LMNTD1: variants seen among roughly 807,000 people sequenced by gnomAD.
The protein encoded by LMNTD1 is lamin tail domain containing 1, also known as lamin tail domain-containing protein 1.
LMNTD1 carries 35 observed loss-of-function variants against 50.9 expected under a neutral mutation model. The observed-to-expected ratio is 0.69, with a 90% CI of 0.53 to 0.91. The LOEUF is 0.91. Ranked by LOEUF, LMNTD1 falls within the 40% of genes least tolerant of loss-of-function variation. LMNTD1 has a pLI of 0.00. For synonymous variants in LMNTD1, 153 were observed against 161.9 expected (o/e 0.94, Z 0.42); for missense variants, 470 against 475.5 (o/e 0.99, Z 0.11).
intron 3 of LMNTD1, 65 bp downstream of exon 3, chr12:25,549,261 A>T (rs1038560505): frequency 2.4e-6 from 2 of 831,280 alleles, no homozygotes; most frequent in Non-Finnish European, 1.9e-6. Context: ...AGAGTCATAT[A>T]TGCAATCTAT....
chr12:25,519,228 A>G (rs547736720), intron 7 of LMNTD1, among the ~76,000 whole-genome samples: 119 of 152,298 alleles, frequency 7.8e-4, no homozygotes, highest in Non-Finnish European at 1.5e-3. Context: ...AAGCACTGCT[A>G]AAGACTTGGG....
intron 4 of LMNTD1, among the ~76,000 whole-genome samples, chr12:25,545,752 A>AAGGG (rs1426223417): frequency 2.0e-5 from 3 of 151,606 alleles, no homozygotes; most frequent in African/African-American, 7.3e-5. Context: ...ACATGGCATA[A>AAGGG]AGGGAGAGAA....
At chr12:25,630,057 A>G (rs1465607077) in intron 1 of LMNTD1, among the ~76,000 whole-genome samples, 2 of 152,146 alleles carry the variant, frequency 1.3e-5, no homozygotes, top group Non-Finnish European at 2.9e-5. Flanking sequence ...ATCCTGGCTA[A>G]AACCATTGCC....
rs1315010380 is a variant in LMNTD1, at chr12:25,502,675, A to C, written c.*22+1063T>G. ...CCCAATGTCCTAGAAATGTCTGTGA[A>C]GGAGGCTTTGAATAGAGAAGTTGTG... On this transcript the variant is annotated intron_variant, in intron 9 of 9. Coordinates refer to ENST00000458174, the MANE Select transcript of LMNTD1 (RefSeq NM_001145728.2). Among the ~76,000 whole-genome samples, 3 of 152,246 alleles carry C rather than the reference A, an allele frequency of 2.0e-5. No individual in the cohort carries two copies. In the East Asian group the frequency reaches 5.8e-4, roughly 29 times the overall value.
At chr12:25,602,312 A>C (rs565887041) in intron 1 of LMNTD1, among the ~76,000 whole-genome samples, 1 of 152,044 alleles carries the variant, frequency 6.6e-6, no homozygotes, top group East Asian at 1.9e-4. Flanking sequence ...AAAAGAAAGA[A>C]AGAAAGAAAA....
chr12:25,627,181 C>A (rs1946608077), intron 1 of LMNTD1, among the ~76,000 whole-genome samples: 1 of 152,196 alleles, frequency 6.6e-6, no homozygotes, highest in Non-Finnish European at 1.5e-5. Context: ...GGGCCAGATT[C>A]TTTCTCTGTA....
At chr12:25,527,640 C>CTATATATATATATATATA (rs61347000) in intron 4 of LMNTD1, among the ~76,000 whole-genome samples, 14 of 61,670 alleles carry the variant, frequency 2.3e-4, no homozygotes, top group East Asian at 5.5e-4. Context: ...CTTAATAACA[C>CTATATATATATATATATA]TATATATATA....
chr12:25,512,644 C>T (rs1940391782), intron 8 of LMNTD1, among the ~76,000 whole-genome samples: 1 of 152,088 alleles, frequency 6.6e-6, no homozygotes, highest in African/African-American at 2.4e-5. Flanking sequence ...TTGACATCTG[C>T]TGTCAAATTC....
chr12:25,501,970 G>A (rs1208524272), intron 9 of LMNTD1, among the ~76,000 whole-genome samples: 4 of 152,094 alleles, frequency 2.6e-5, no homozygotes, highest in Non-Finnish European at 5.9e-5. Flanking sequence ...AGGGGGGTGG[G>A]AGCTCTGAGA....
In LMNTD1 at chr12:25,618,340, C is replaced by T. The variant is rs186637614; in HGVS notation, c.58+30154G>A. 1.4e-4 allele frequency among the ~76,000 whole-genome samples: 22 copies of T among 152,176 alleles called. No homozygotes were observed. In the East Asian group the frequency reaches 3.9e-3, roughly 27 times the overall value. On this transcript the variant is annotated intron_variant, in intron 1 of 7. Transcript: ENST00000445693. ...AGGCATCAATCTTCTTAGAATCATT[C>T]GTCAGGTGATTCTACTGTGCAGCTG...
chr12:25,509,729 C>T (rs1446700008), intron 8 of LMNTD1, among the ~76,000 whole-genome samples: 3 of 152,080 alleles, frequency 2.0e-5, no homozygotes, highest in Non-Finnish European at 4.4e-5. Flanking sequence ...GACTGACATT[C>T]TTATAAAGAA....
chr12:25,567,270 T>C (rs1446135218), intron 1 of LMNTD1, among the ~76,000 whole-genome samples: 2 of 152,222 alleles, frequency 1.3e-5, no homozygotes, highest in African/African-American at 4.8e-5. Flanking sequence ...TGAAATTTTC[T>C]TCAGCTGTTC....
chr12:25,555,089 A>G (rs1341602947), upstream of LMNTD1, among the ~76,000 whole-genome samples: 2 of 151,936 alleles, frequency 1.3e-5, no homozygotes, highest in Non-Finnish European at 2.9e-5. Flanking sequence ...AAAGATTAGA[A>G]TTATATGAAC....
At chr12:25,561,752 C>G (rs7297745) in intron 1 of LMNTD1, among the ~76,000 whole-genome samples, 77,528 of 152,000 alleles carry the variant, frequency 0.51, 24,479 homozygotes, top group Non-Finnish European at 0.72. Flanking sequence ...GTTAAAATCT[C>G]CCATTATTAT....
At chr12:25,496,108 G>A (rs1939055297) in intron 9 of LMNTD1, among the ~76,000 whole-genome samples, 1 of 152,158 alleles carries the variant, frequency 6.6e-6, no homozygotes, top group Non-Finnish European at 1.5e-5. Context: ...TCTGTTCATA[G>A]GAGGGAAATA....
intron 4 of LMNTD1, among the ~76,000 whole-genome samples, chr12:25,539,462 T>C (rs1358795450): frequency 6.7e-6 from 1 of 149,968 alleles, no homozygotes; most frequent in African/African-American, 2.4e-5. Flanking sequence ...AACAACCTGC[T>C]CCTGAATGAC....
At chr12:25,647,345 C>T (rs1947094949) in intron 1 of LMNTD1, among the ~76,000 whole-genome samples, 1 of 152,056 alleles carries the variant, frequency 6.6e-6, no homozygotes, top group South Asian at 2.1e-4. Context: ...ATTGGCTGGG[C>T]ATGGTGGCCT....
intron 1 of LMNTD1, among the ~76,000 whole-genome samples, chr12:25,619,252 C>CTCTCTATATATA (rs1374134268): frequency 8.3e-5 from 7 of 84,444 alleles, no homozygotes; most frequent in East Asian, 4.2e-4. Context: ...CTCTCTCTCT[C>CTCTCTATATATA]TATATATATA....
chr12:25,556,748 A>G (rs1015432758), upstream of LMNTD1, among the ~76,000 whole-genome samples: 1 of 152,360 alleles, frequency 6.6e-6, no homozygotes, highest in East Asian at 1.9e-4. Flanking sequence ...AGAAAAAATT[A>G]AAAGTGGCAA....
Sources: allele counts gnomAD v4.1 joint callset (sites outside exome capture counted in the v4.1 genomes callset), GRCh38; gene constraint gnomAD v4.1.1; transcripts MANE v1.5; gene names NCBI Gene and HGNC (gene_info 2026-07-23, HGNC 2026-07-21).